Variants in PHF11 observed in about 807,000 individuals in gnomAD.
PHF11 encodes BRCA1 C-terminus-associated protein.
A neutral mutation model predicts 40.5 loss-of-function variants in PHF11; 38 were observed. The ratio of observed to expected loss-of-function variants is 0.94; its 90% confidence interval spans 0.72 to 1.23. The LOEUF is 1.23. Ranked by LOEUF, PHF11 falls within the 50% of genes most tolerant of loss-of-function variation. The pLI, the probability that PHF11 is intolerant of heterozygous loss-of-function variation, is 0.00. For missense variants in PHF11, 369 were observed against 392.4 expected (o/e 0.94, Z 0.50); for synonymous variants, 127 against 138.2 (o/e 0.92, Z 0.57).
At chr13:49,525,736 CATTT>C (rs1293356395) in intron 8 of PHF11, 2 of 439,220 alleles carry the variant, frequency 4.6e-6, no homozygotes, top group Admixed American at 5.2e-5. Flanking sequence ...TCCAAAAGCT[CATTT>C]ATTATACTAT....
chr13:49,521,092 G>A, intron 5 of PHF11, 152 bp downstream of exon 5: 3 of 1,372,782 alleles, frequency 2.2e-6, no homozygotes, highest in Non-Finnish European at 2.8e-6. Context: ...ACTTCTTTGT[G>A]TACTATGTGA....
intron 2 of PHF11, 148 bp from the exon 3 acceptor site, chr13:49,512,911 C>T: frequency 1.7e-6 from 1 of 580,378 alleles, no homozygotes; most frequent in East Asian, 3.0e-5. Context: ...GGCTTATGGT[C>T]TGCTCATCCA....
At chr13:49,501,006 T>TTTG (rs1327207018) in intron 1 of PHF11, among the ~76,000 whole-genome samples, 2 of 127,372 alleles carry the variant, frequency 1.6e-5, no homozygotes, top group East Asian at 2.4e-4. Flanking sequence ...TTTTGTTTTT[T>TTTG]TTTTTTTTTG....
At chr13:49,506,233 T>TAA (rs546735570) in intron 1 of PHF11, among the ~76,000 whole-genome samples, 106 of 120,578 alleles carry the variant, frequency 8.8e-4, no homozygotes, top group Admixed American at 5.1e-3. Flanking sequence ...CCCCGGTCTC[T>TAA]AAAAAAAAAA....
chr13:49,497,202 A>G lies in PHF11; in HGVS notation c.94+1107A>G, dbSNP rs1339480312. 9 of 1,289,012 alleles carry G rather than the reference A, an allele frequency of 7.0e-6. No individual in the cohort carries two copies. The South Asian group carries it at 1.1e-4, about 16-fold the overall frequency. 79.8% of individuals were successfully genotyped at this position (1,289,012 alleles called of 1,614,324 possible). ...AGTTGGATATTTCATTCATTGGTATACATATGGACTGTAAGGTAAGTCACG... is the reference window on the plus strand; with the variant it reads ...AGTTGGATATTTCATTCATTGGTATGCATATGGACTGTAAGGTAAGTCACG... On this transcript the variant is annotated intron_variant, in intron 1 of 9. Transcript: ENST00000378319.
At chr13:49,504,119 T>C (rs1433919946) in intron 1 of PHF11, among the ~76,000 whole-genome samples, 2 of 152,202 alleles carry the variant, frequency 1.3e-5, no homozygotes, top group East Asian at 3.9e-4. Context: ...TTGGACAGCA[T>C]CGGTCTAGAG....
chr13:49,510,012 C>CGT (rs148561369), intron 2 of PHF11, among the ~76,000 whole-genome samples: 3,921 of 150,354 alleles, frequency 0.026, 169 homozygotes, highest in African/African-American at 0.084. Context: ...GTACTAATAA[C>CGT]GTGTGTGTGT....
At position 49,501,017 on chromosome 13, in the gene PHF11, G is replaced by GTTTTTTTTTTTTTTTTTTTT. The variant is rs1491587127; in HGVS notation, c.94+4933_94+4934insTTTTTTTTTTTTTTTTTTTT. Among the ~76,000 whole-genome samples, 9 of 108,826 alleles carry GTTTTTTTTTTTTTTTTTTTT rather than the reference G, an allele frequency of 8.3e-5. 1 individual carries two copies. Among genetic ancestry groups the GTTTTTTTTTTTTTTTTTTTT allele is most frequent in the Non-Finnish European group, 8.6e-5 (5 of 58,308 alleles). 71.4% of individuals were successfully genotyped at this position (108,826 alleles called of 152,430 possible). ...CAACTTTTGTTTTTTTTTTTTTTTG[G>GTTTTTTTTTTTTTTTTTTTT]TTTTTTTTTTTCTGAAATGGAGTTT... On this transcript the variant is annotated intron_variant, in intron 1 of 9. Coordinates refer to ENST00000378319, the MANE Select transcript of PHF11 (RefSeq NM_001040443.3).
intron 5 of PHF11, chr13:49,521,582 A>G: frequency 3.1e-6 from 2 of 637,592 alleles, no homozygotes; most frequent in Non-Finnish European, 3.9e-6. Context: ...GCTATTACAG[A>G]TACTTCTTTA....
chr13:49,506,415 G>A (rs952932147), intron 1 of PHF11, among the ~76,000 whole-genome samples: 1 of 151,922 alleles, frequency 6.6e-6, no homozygotes, highest in Non-Finnish European at 1.5e-5. Context: ...TCATTATTAG[G>A]CATTTAGAAG....
intron 6 of PHF11, among the ~76,000 whole-genome samples, chr13:49,522,570 G>A (rs1959193412): frequency 8.3e-6 from 1 of 120,372 alleles, no homozygotes; most frequent in Admixed American, 8.5e-5. Flanking sequence ...TCTGGATTAT[G>A]TATAAAATGT....
intron 8 of PHF11, chr13:49,525,812 T>C (rs945056070): frequency 1.5e-5 from 7 of 456,222 alleles, no homozygotes; most frequent in African/African-American, 1.4e-4. Flanking sequence ...GAACCACCTG[T>C]AGGGCTGGTG....
intron 1 of PHF11, among the ~76,000 whole-genome samples, chr13:49,505,882 C>T (rs1425153357): frequency 1.3e-5 from 2 of 152,122 alleles, no homozygotes; most frequent in East Asian, 3.9e-4. Flanking sequence ...TCATTTATGT[C>T]TTTAATTCTC....
At chr13:49,523,962 C>T in intron 7 of PHF11, 123 bp from the exon 8 acceptor site, 1 of 584,634 alleles carries the variant, frequency 1.7e-6, no homozygotes, top group South Asian at 3.6e-5. Flanking sequence ...GGTGAAGGTG[C>T]TGTATTATTT....
chr13:49,523,754 C>T (rs7331182), intron 7 of PHF11: 8,690 of 209,482 alleles, frequency 0.041, 307 homozygotes, highest in East Asian at 0.17. Context: ...AGAACTTATC[C>T]ATGTAACCTG....
At chr13:49,503,258 T>C (rs1958934547) in intron 1 of PHF11, among the ~76,000 whole-genome samples, 1 of 150,758 alleles carries the variant, frequency 6.6e-6, no homozygotes, top group Non-Finnish European at 1.5e-5. Flanking sequence ...CTTTCCCTCC[T>C]CTCCAGGTTG....
chr13:49,528,357 A>T (rs1169099679), intron 9 of PHF11, among the ~76,000 whole-genome samples, 154 bp from the exon 10 acceptor site: 1 of 152,226 alleles, frequency 6.6e-6, no homozygotes, highest in Non-Finnish European at 1.5e-5. Context: ...AGGCATAAAG[A>T]AACCAGCTCC....
intron 8 of PHF11, among the ~76,000 whole-genome samples, chr13:49,524,977 T>C (rs1348044251): frequency 6.6e-6 from 1 of 152,096 alleles, no homozygotes; most frequent in Non-Finnish European, 1.5e-5. Flanking sequence ...TCACATATGC[T>C]CCCCTGCCAC....
intron 1 of PHF11, among the ~76,000 whole-genome samples, chr13:49,499,785 A>C (rs759475320): frequency 3.9e-5 from 6 of 152,260 alleles, no homozygotes; most frequent in Non-Finnish European, 5.9e-5. Flanking sequence ...AAAGGAGGAA[A>C]TCTCCAAACC....
Sources: gnomAD v4.1 joint callset for allele counts (sites outside exome capture counted in the v4.1 genomes callset) on GRCh38, gnomAD v4.1.1 for gene constraint, MANE v1.5 for transcripts, NCBI Gene and HGNC (gene_info 2026-07-23, HGNC 2026-07-21) for gene names.